KIAA1958: variants seen among roughly 807,000 people sequenced by gnomAD.
KIAA1958 encodes KIAA1958, also known as uncharacterized protein KIAA1958.
KIAA1958 carries 14 observed loss-of-function variants against 47.2 expected under a neutral mutation model. The ratio of observed to expected loss-of-function variants is 0.30; its 90% CI spans 0.20 to 0.46. The LOEUF is 0.46. KIAA1958 is among the 20% of genes least tolerant of loss of function. The pLI is 1.00. For synonymous variants in KIAA1958, 354 were observed against 353.3 expected (o/e 1.00, Z -0.02); for missense variants, 803 against 909.2 (o/e 0.88, Z 1.50).
At chr9:112,586,938 G>C (rs1835836949) in intron 2 of KIAA1958, among the ~76,000 whole-genome samples, 1 of 152,116 alleles carries the variant, frequency 6.6e-6, no homozygotes, top group African/African-American at 2.4e-5. Flanking sequence ...AAATGTTATT[G>C]CCGTGTCTAT....
intron 2 of KIAA1958, among the ~76,000 whole-genome samples, chr9:112,644,938 C>A (rs1836951102): frequency 6.6e-6 from 1 of 152,104 alleles, no homozygotes; most frequent in Admixed American, 6.5e-5. Context: ...CAGCTTGAGA[C>A]CAGCCTGGCC....
chr9:112,501,002 T>TTGGGAGGCTGAGG (rs1263731322), intron 1 of KIAA1958, among the ~76,000 whole-genome samples: 2 of 151,730 alleles, frequency 1.3e-5, no homozygotes, highest in Non-Finnish European at 2.9e-5. Flanking sequence ...TCCTGGCTAC[T>TTGGGAGGCTGAGG]TGGGAGGCTG....
chr9:112,520,792 C>T (rs1834525915), intron 1 of KIAA1958, among the ~76,000 whole-genome samples: 1 of 152,134 alleles, frequency 6.6e-6, no homozygotes, highest in African/African-American at 2.4e-5. Flanking sequence ...AGTTTTCCTT[C>T]TAGGAATCCT....
intron 1 of KIAA1958, among the ~76,000 whole-genome samples, chr9:112,537,182 T>C (rs1052742981): frequency 5.3e-5 from 8 of 151,822 alleles, no homozygotes; most frequent in African/African-American, 1.9e-4. Flanking sequence ...CTTGGCTCCC[T>C]GGAACCTCTG....
intron 1 of KIAA1958, among the ~76,000 whole-genome samples, chr9:112,572,322 T>G (rs1258233436): frequency 6.6e-6 from 1 of 152,108 alleles, no homozygotes; most frequent in East Asian, 1.9e-4. Flanking sequence ...TATGTAAACA[T>G]TCATTCATTC....
intron 1 of KIAA1958, among the ~76,000 whole-genome samples, chr9:112,569,790 T>A (rs1771942399): frequency 6.6e-6 from 1 of 152,042 alleles, no homozygotes; most frequent in East Asian, 1.9e-4. Flanking sequence ...CTGACTAATT[T>A]TTTTTGTATT....
Position 112,618,862 on chromosome 9 carries a change from C to A in KIAA1958, c.1172-26788C>A. The A allele has an allele frequency of 6.5e-7, 1 of 1,549,366 alleles. No homozygotes were observed. Among genetic ancestry groups the A allele is most frequent in the Non-Finnish European group, 8.7e-7 (1 of 1,145,886 alleles). ...CCCAGTCAGTGGCCGGCCACTCCAA[C>A]AATGGCAATTTCATCGTCTCCGCCT... On this transcript the variant is annotated intron_variant, in intron 2 of 3. Coordinates refer to ENST00000337530, the MANE Select transcript of KIAA1958 (RefSeq NM_133465.4). This position sits in a 1 kb window ranked among gnomAD's most constrained non-coding sequence, Gnocchi z 7.1.
At chr9:112,632,228 T>A (rs1181829268) in intron 2 of KIAA1958, among the ~76,000 whole-genome samples, 1 of 152,188 alleles carries the variant, frequency 6.6e-6, no homozygotes. Context: ...AATTTTGCTA[T>A]GCATATTGTC....
Position 112,665,381 on chromosome 9 carries a change from A to G in KIAA1958, c.*5312A>G, listed in dbSNP as rs1837339900. On this transcript the variant is annotated 3_prime_UTR_variant, in exon 4 of 4. Coordinates refer to ENST00000337530, the MANE Select transcript of KIAA1958 (RefSeq NM_133465.4). ...AATCTTTACAACCGCTCTACAAGGT[A>G]TGTCTAATTATTTCCATTTTACTTA... 6.6e-6 allele frequency: 1 copy of G among 152,218 alleles called. No homozygotes were observed. The highest frequency in any genetic ancestry group is 1.5e-5 in the Non-Finnish European group (1 of 68,048). The allele number at this position is 152,218 out of a possible 1,614,324, so 9.4% of individuals were successfully genotyped here.
At position 112,659,446 on chromosome 9, in the gene KIAA1958, C is replaced by T; in HGVS notation, c.1528C>T (p.Leu510Phe). The T allele has an allele frequency of 1.2e-6, 2 of 1,614,120 alleles. No homozygotes were observed. The highest frequency in any genetic ancestry group is 8.5e-7 in the Non-Finnish European group (1 of 1,180,010). ...CACCTTCAGCTCCTCCACCAAGAAA[C>T]TCAAGGAGAAGCTGTGGGTGCTGAG... ...SSTFSSSTKK[L>F]KEKLWVLSKA... is the part of the protein sequence containing the mutation. The change falls in exon 4 of 4, where the codon CTC (leucine) becomes TTC (phenylalanine). Residue 510 changes from leucine (L) to phenylalanine (F), a missense_variant. Physicochemically the swap from Leu to Phe is conservative, Grantham distance 22. This residue lies in a region of KIAA1958 where 761 missense variants were observed against 829.3 expected (regional missense o/e 0.92). Transcript: ENST00000337530.
intron 2 of KIAA1958, among the ~76,000 whole-genome samples, chr9:112,596,876 T>G (rs1460442909): frequency 6.6e-6 from 1 of 152,240 alleles, no homozygotes; most frequent in Non-Finnish European, 1.5e-5. Flanking sequence ...TAGTAAAAGA[T>G]GCCTTCATAT....
In KIAA1958 at chr9:112,594,696, A is replaced by G. The variant is rs532797860; in HGVS notation, c.1171+19445A>G. 3.9e-5 allele frequency among the ~76,000 whole-genome samples: 6 copies of G among 152,364 alleles called. No individual in the cohort carries two copies. The South Asian group carries it at 1.2e-3, about 32-fold the overall frequency. ...ATAATGCTTTGCTATGAATAGTCAT[A>G]TACAGGCTCTTGGGTGGATAGGTTT... is the stretch of plus-strand genomic sequence containing the variant. On this transcript the variant is annotated intron_variant, in intron 2 of 3. Transcript: ENST00000337530.
chr9:112,564,466 T>G (rs997719334), intron 1 of KIAA1958, among the ~76,000 whole-genome samples: 3 of 152,220 alleles, frequency 2.0e-5, no homozygotes, highest in Non-Finnish European at 2.9e-5. Flanking sequence ...TTGTTGTGAC[T>G]GAAGTCAGGT....
intron 2 of KIAA1958, among the ~76,000 whole-genome samples, chr9:112,606,386 G>A (rs901684326): frequency 1.3e-5 from 2 of 152,030 alleles, no homozygotes; most frequent in African/African-American, 2.4e-5. Flanking sequence ...AAAAAAATTT[G>A]TACTTGCATA....
intron 1 of KIAA1958, among the ~76,000 whole-genome samples, chr9:112,544,256 G>A (rs910623474): frequency 6.6e-6 from 1 of 152,196 alleles, no homozygotes; most frequent in African/African-American, 2.4e-5. Context: ...TTGAATGAAT[G>A]TCAGATCTGA....
At chr9:112,591,182 C>T (rs529967579) in intron 2 of KIAA1958, among the ~76,000 whole-genome samples, 14 of 152,212 alleles carry the variant, frequency 9.2e-5, no homozygotes, top group South Asian at 2.1e-4. Flanking sequence ...CTCCCGGGTT[C>T]GTGCCATTCT....
chr9:112,550,952 C>T (rs1323121357), intron 1 of KIAA1958, among the ~76,000 whole-genome samples: 1 of 151,934 alleles, frequency 6.6e-6, no homozygotes, highest in African/African-American at 2.4e-5. Context: ...TCTCAGGAGC[C>T]TGTCATGGGT....
At chr9:112,552,102 G>A (rs1197613878) in intron 1 of KIAA1958, among the ~76,000 whole-genome samples, 1 of 152,142 alleles carries the variant, frequency 6.6e-6, no homozygotes, top group Non-Finnish European at 1.5e-5. Context: ...GACAGCTTTT[G>A]CCTCATCATT....
intron 2 of KIAA1958, among the ~76,000 whole-genome samples, chr9:112,621,762 G>C (rs1836512208): frequency 6.6e-6 from 1 of 151,658 alleles, no homozygotes; most frequent in African/African-American, 2.4e-5. Flanking sequence ...TTGTTTGTTT[G>C]AACAGAGACA....
Sources: gnomAD v4.1 joint callset for allele counts (sites outside exome capture counted in the v4.1 genomes callset) on GRCh38, gnomAD v4.1.1 for gene constraint, gnomAD v4.1.1 regional missense constraint, Gnocchi (gnomAD v3.1) non-coding constraint, MANE v1.5 for transcripts, NCBI Gene and HGNC (gene_info 2026-07-23, HGNC 2026-07-21) for gene names.